The following CCNY variants were observed in gnomAD, a reference collection of about 807,000 sequenced individuals.
CCNY encodes the protein cyclin Y.
In CCNY, 19 loss-of-function variants were observed where a neutral mutation model predicts 42.8. The ratio of observed to expected loss-of-function variants is 0.44; its 90% confidence interval spans 0.31 to 0.65. CCNY has a LOEUF of 0.65. Among genes scored for constraint, CCNY ranks in the 30% least tolerant of loss-of-function variants. The probability of loss-of-function intolerance (pLI) is 0.07; values close to 1 mark genes in which losing one functional copy is unlikely to be tolerated. For missense variants in CCNY, 370 were observed against 437.3 expected (o/e 0.85, Z 1.37); for synonymous variants, 165 against 162.7 (o/e 1.01, Z -0.11).
Position 35,253,532 on chromosome 10 carries a change from C to T in CCNY, c.-9+2906C>T, listed in dbSNP as rs566659750. ...ACTTTAAGCCATCCTCCCACCTTGACCTCCTAAAGCATTGGGATTACAGGC... is the reference window on the plus strand; with the variant it reads ...ACTTTAAGCCATCCTCCCACCTTGATCTCCTAAAGCATTGGGATTACAGGC... On this transcript the variant is annotated intron_variant, in intron 3 of 11. Coordinates refer to the CCNY transcript ENST00000374706. Among the ~76,000 whole-genome samples the T allele has an allele frequency of 2.7e-5, 4 of 149,168 alleles. No homozygotes were observed. The East Asian group carries it at 8.0e-4, about 30-fold the overall frequency.
chr10:35,345,163 A>G (rs1836273568), intron 1 of CCNY, among the ~76,000 whole-genome samples: 1 of 152,200 alleles, frequency 6.6e-6, no homozygotes, highest in Non-Finnish European at 1.5e-5. Context: ...TGACTTCCAC[A>G]ATGGTTGAAC....
At chr10:35,497,796 T>TGCTA (rs1840031658) in intron 2 of CCNY, among the ~76,000 whole-genome samples, 2 of 151,748 alleles carry the variant, frequency 1.3e-5, no homozygotes, top group South Asian at 4.2e-4. Flanking sequence ...GTTGTGCTCC[T>TGCTA]GCTAGCTTAG....
chr10:35,321,433 G>A (rs1835821066), intron 3 of CCNY, among the ~76,000 whole-genome samples: 2 of 152,098 alleles, frequency 1.3e-5, no homozygotes, highest in African/African-American at 4.8e-5. Context: ...AGCACTTTTG[G>A]AGGCTGAGGT....
intron 2 of CCNY, among the ~76,000 whole-genome samples, chr10:35,491,667 G>A (rs1271823366): frequency 1.3e-5 from 2 of 152,092 alleles, no homozygotes; most frequent in African/African-American, 2.4e-5. Flanking sequence ...AGGCTGGAGT[G>A]CAGTGGCACG....
intron 1 of CCNY, among the ~76,000 whole-genome samples, chr10:35,469,792 A>G (rs1484864665): frequency 6.6e-6 from 1 of 150,542 alleles, no homozygotes; most frequent in East Asian, 2.0e-4. Flanking sequence ...AGGGCACTGG[A>G]GAGACAGATA....
chr10:35,492,051 G>A (rs1014845635), intron 2 of CCNY, among the ~76,000 whole-genome samples: 1 of 152,040 alleles, frequency 6.6e-6, no homozygotes, highest in Non-Finnish European at 1.5e-5. Context: ...CTGGACTCTC[G>A]TTTCCTCCTT....
At chr10:35,447,493 CATT>C (rs1287213537) in intron 1 of CCNY, among the ~76,000 whole-genome samples, 3 of 152,176 alleles carry the variant, frequency 2.0e-5, no homozygotes, top group East Asian at 1.9e-4. Context: ...CCATCATCAT[CATT>C]ATCTCTGTCA....
At chr10:35,338,196 C>T (rs1836094015) in intron 1 of CCNY, among the ~76,000 whole-genome samples, 1 of 152,160 alleles carries the variant, frequency 6.6e-6, no homozygotes, top group Non-Finnish European at 1.5e-5. Flanking sequence ...ATGAACACAA[C>T]TTCATAATTC....
intron 1 of CCNY, among the ~76,000 whole-genome samples, chr10:35,433,465 C>G (rs1212752252): frequency 6.6e-6 from 1 of 151,922 alleles, no homozygotes; most frequent in Non-Finnish European, 1.5e-5. Context: ...TAGTATAACA[C>G]AACAGTCATC....
intron 3 of CCNY, among the ~76,000 whole-genome samples, chr10:35,259,327 C>T (rs1307730891): frequency 6.6e-6 from 1 of 151,960 alleles, no homozygotes; most frequent in Non-Finnish European, 1.5e-5. Flanking sequence ...GATCCTCCCA[C>T]CTCAGCCTCT....
intron 1 of CCNY, among the ~76,000 whole-genome samples, chr10:35,467,876 A>G (rs962208738): frequency 7.9e-5 from 12 of 152,224 alleles, no homozygotes; most frequent in African/African-American, 2.2e-4. Context: ...AGTTCATTCT[A>G]TACAATGCCT....
chr10:35,566,120 G>T lies in CCNY; in HGVS notation c.844G>T (p.Ala282Ser), dbSNP rs1196062703. The change falls in exon 9 of 10, where the codon GCA becomes TCA. Residue 282 changes from alanine (A) to serine (S), a missense_variant. Physicochemically the swap from Ala to Ser is moderately conservative, Grantham distance 99. Around this residue, in one of 2 missense-constraint regions of CCNY, gnomAD observed 234 missense variants for 313.1 expected, o/e 0.75. Coordinates refer to ENST00000374704, the MANE Select transcript of CCNY (RefSeq NM_145012.6). ...AKYYFDLRSLAEANNLSFPLE... is the reference protein window; with the variant it reads ...AKYYFDLRSLSEANNLSFPLE... ...GTATTATTTTGATCTTCGTTCTCTG[G>T]CAGAAGCGAACAACCTGAGCTTTCC... The T allele has an allele frequency of 6.2e-7, 1 of 1,614,182 alleles. No homozygotes were observed. The highest frequency in any genetic ancestry group is 1.7e-5 in the Admixed American group (1 of 60,018).
At chr10:35,392,054 G>A (rs1408897713) in intron 1 of CCNY, among the ~76,000 whole-genome samples, 2 of 152,098 alleles carry the variant, frequency 1.3e-5, no homozygotes, top group Non-Finnish European at 2.9e-5. Flanking sequence ...ATTATAAAAG[G>A]AACATATGTT....
intron 3 of CCNY, among the ~76,000 whole-genome samples, chr10:35,299,106 T>A (rs1835504597): frequency 6.6e-6 from 1 of 152,244 alleles, no homozygotes; most frequent in South Asian, 2.1e-4. Context: ...TTTCAGTTAC[T>A]GATTTCTAAT....
rs1840750337 is a variant in CCNY, at chr10:35,530,867, T to C, written c.579+624T>C. On this transcript the variant is annotated intron_variant, in intron 7 of 9. Transcript: ENST00000374704. The surrounding 1 kb of genome is among the most constrained non-coding windows in gnomAD (Gnocchi z 4.3). Reference sequence around the variant, plus strand: ...TGGGAGGATCACTTGAGCCCAGGAGTTTGAGACCAGTCTGGACAACATAGT... The same window carrying C: ...TGGGAGGATCACTTGAGCCCAGGAGCTTGAGACCAGTCTGGACAACATAGT... Among the ~76,000 whole-genome samples the C allele has an allele frequency of 6.6e-6, 1 of 151,296 alleles. No individual in the cohort carries two copies. Among genetic ancestry groups the C allele is most frequent in the South Asian group, 2.1e-4 (1 of 4,786 alleles).
chr10:35,335,300 C>G (rs1442869002), upstream of CCNY, among the ~76,000 whole-genome samples: 11 of 152,032 alleles, frequency 7.2e-5, no homozygotes, highest in Admixed American at 7.2e-4. Flanking sequence ...TAACTTGTTC[C>G]CAACATGACA....
intron 3 of CCNY, among the ~76,000 whole-genome samples, chr10:35,291,398 TATTGCCAA>T (rs1835411862): frequency 6.6e-6 from 1 of 152,212 alleles, no homozygotes; most frequent in South Asian, 2.1e-4. Context: ...TATTTCTTTT[TATTGCCAA>T]ACAATATTCC....
chr10:35,438,030 T>G (rs548168472), intron 1 of CCNY, among the ~76,000 whole-genome samples: 1 of 152,314 alleles, frequency 6.6e-6, no homozygotes, highest in East Asian at 1.9e-4. Flanking sequence ...TCTTACCAGC[T>G]TCTGTGTGTC....
At chr10:35,413,369 G>A (rs1050398109) in intron 1 of CCNY, among the ~76,000 whole-genome samples, 10 of 152,160 alleles carry the variant, frequency 6.6e-5, no homozygotes, top group African/African-American at 2.2e-4. Flanking sequence ...TAGGAATACA[G>A]TAGACAGAGA....
Sources: allele counts gnomAD v4.1 joint callset (sites outside exome capture counted in the v4.1 genomes callset), GRCh38; gene constraint gnomAD v4.1.1; regional missense constraint gnomAD v4.1.1; non-coding constraint Gnocchi (gnomAD v3.1); transcripts MANE v1.5; gene names NCBI Gene and HGNC (gene_info 2026-07-23, HGNC 2026-07-21).